The following MARCHF7 variants were observed in gnomAD, a reference collection of about 807,000 sequenced individuals.
MARCHF7 encodes the protein E3 ubiquitin-protein ligase MARCHF7.
A neutral mutation model predicts 76.5 loss-of-function variants in MARCHF7; 20 were observed. The ratio of observed to expected loss-of-function variants is 0.26; its 90% confidence interval spans 0.18 to 0.38. The LOEUF (loss-of-function observed/expected upper bound fraction) is 0.38. Ranked by LOEUF, MARCHF7 falls within the 10% of genes least tolerant of loss-of-function variation. MARCHF7 has a pLI of 1.00. For synonymous variants in MARCHF7, 295 were observed against 293.0 expected, an observed-to-expected ratio of 1.01 and a Z score of -0.07; for missense variants, 797 against 812.9, an observed-to-expected ratio of 0.98 and a Z score of 0.24.
At chr2:159,742,142 T>C (rs1042143251) in intron 4 of MARCHF7, among the ~76,000 whole-genome samples, 9 of 152,200 alleles carry the variant, frequency 5.9e-5, no homozygotes, top group African/African-American at 2.2e-4. Flanking sequence ...TTACAAGCTT[T>C]ATTTTGTGTA....
At chr2:159,744,088 C>T (rs915208771) in intron 5 of MARCHF7, among the ~76,000 whole-genome samples, 3 of 141,280 alleles carry the variant, frequency 2.1e-5, no homozygotes, top group Non-Finnish European at 3.1e-5. Flanking sequence ...CCCGGGTTCA[C>T]GCCATTCTCC....
chr2:159,732,824 G>A (rs1465201128), intron 4 of MARCHF7: 1 of 984,178 alleles, frequency 1.0e-6, no homozygotes, highest in East Asian at 1.1e-4. Flanking sequence ...CTGCCATCAT[G>A]CCTGGCCTGT....
At chr2:159,739,309 C>T (rs1703849173) in intron 4 of MARCHF7, among the ~76,000 whole-genome samples, 1 of 152,218 alleles carries the variant, frequency 6.6e-6, no homozygotes, top group South Asian at 2.1e-4. Context: ...GGCAGCCGCT[C>T]CAGATGAACT....
At position 159,743,102 on chromosome 2, in the gene MARCHF7, A is replaced by G. The variant is rs748308137; in HGVS notation, c.195A>G (p.Ala65=). ...CATCTGCGTCACCATTTCAATCTGCATGGTATAGTGAATCTGAGATAACTC... is the reference window on the plus strand; with the variant it reads ...CATCTGCGTCACCATTTCAATCTGCGTGGTATAGTGAATCTGAGATAACTC... The part of the protein sequence containing the change: ...ASASASPFQS[A]WYSESEITQG... Residue 65 remains alanine (A), a synonymous_variant, in exon 5 of 12, where the codon GCA becomes GCG. Coordinates refer to ENST00000409175, the MANE Select transcript of MARCHF7 (RefSeq NM_001282805.2). 1.7e-5 allele frequency: 27 copies of G among 1,614,076 alleles called. No individual in the cohort carries two copies. The highest frequency in any genetic ancestry group is 2.2e-5 in the South Asian group (2 of 91,078).
chr2:159,767,419 T>TG lies in MARCHF7; in HGVS notation c.*82dup. 1 of 1,035,584 alleles carries TG rather than the reference T, an allele frequency of 9.7e-7. No individual in the cohort carries two copies. Among genetic ancestry groups the TG allele is most frequent in the Admixed American group, 1.9e-5 (1 of 52,540 alleles). 64.1% of individuals were successfully genotyped at this position (1,035,584 alleles called of 1,614,324 possible). On this transcript the variant is annotated 3_prime_UTR_variant, in exon 12 of 12. Coordinates refer to ENST00000409175, the MANE Select transcript of MARCHF7 (RefSeq NM_001282805.2). Reference sequence around the variant, plus strand: ...GGCAATTAAATATAAATTACTTTTGTGGGGGAATGCCTAATAAATACATTG... The same window carrying TG: ...GGCAATTAAATATAAATTACTTTTGTGGGGGGAATGCCTAATAAATACATTG...
intron 4 of MARCHF7, among the ~76,000 whole-genome samples, chr2:159,742,021 ATATT>A (rs1388825225): frequency 2.0e-5 from 3 of 152,212 alleles, no homozygotes; most frequent in African/African-American, 7.2e-5. Context: ...TTAAACCTAA[ATATT>A]TAAGGAGACA....
intron 4 of MARCHF7, chr2:159,733,910 G>A: frequency 4.1e-6 from 5 of 1,216,738 alleles, no homozygotes; most frequent in Non-Finnish European, 5.1e-6. Context: ...TTGGGAAAAT[G>A]TAGATTCTAA....
intron 3 of MARCHF7, among the ~76,000 whole-genome samples, chr2:159,727,430 A>G (rs945134600): frequency 3.3e-5 from 5 of 152,148 alleles, no homozygotes; most frequent in African/African-American, 9.7e-5. Context: ...TACTAAAAAT[A>G]CAAAAAAATT....
At chr2:159,749,313 A>C (rs1705314838) in intron 7 of MARCHF7, among the ~76,000 whole-genome samples, 1 of 151,600 alleles carries the variant, frequency 6.6e-6, no homozygotes, top group African/African-American at 2.4e-5. Context: ...TTCTTATAAA[A>C]TTGAAATCTG....
intron 8 of MARCHF7, among the ~76,000 whole-genome samples, chr2:159,754,084 T>G (rs1705998640): frequency 6.6e-6 from 1 of 152,184 alleles, no homozygotes; most frequent in Admixed American, 6.5e-5. Context: ...AGCCTGGCAT[T>G]TCAGGAGATA....
At chr2:159,740,805 A>G (rs550428678) in intron 4 of MARCHF7, among the ~76,000 whole-genome samples, 1 of 152,284 alleles carries the variant, frequency 6.6e-6, no homozygotes, top group East Asian at 1.9e-4. Context: ...CACACCTTCT[A>G]CTTTATTTTC....
chr2:159,726,020 A>T (rs2125364920), intron 3 of MARCHF7, among the ~76,000 whole-genome samples: 1 of 152,160 alleles, frequency 6.6e-6, no homozygotes, highest in Admixed American at 6.5e-5. Context: ...TGAGTATATA[A>T]ATTTTCTTTT....
intron 10 of MARCHF7, among the ~76,000 whole-genome samples, chr2:159,763,845 C>G (rs1384226935): frequency 6.6e-6 from 1 of 151,996 alleles, no homozygotes; most frequent in Non-Finnish European, 1.5e-5. Flanking sequence ...GGACATTATT[C>G]CAGTGAGCTG....
rs13432 is a variant in MARCHF7, at chr2:159,769,216, C to T, written c.*1874C>T. On this transcript the variant is annotated 3_prime_UTR_variant, in exon 12 of 12. Coordinates refer to ENST00000409175, the MANE Select transcript of MARCHF7 (RefSeq NM_001282805.2). Reference sequence around the variant, plus strand: ...CTGCCAAAGAATTATATTGTTATTACTAGCTAGAACCAAGATGTTGAAGAA... The same window carrying T: ...CTGCCAAAGAATTATATTGTTATTATTAGCTAGAACCAAGATGTTGAAGAA... The T allele has an allele frequency of 6.6e-6, 1 of 152,020 alleles. No homozygotes were observed. Among genetic ancestry groups the T allele is most frequent in the Non-Finnish European group, 1.5e-5 (1 of 68,000 alleles). The allele number at this position is 152,020 out of a possible 1,614,324, so 9.4% of individuals were successfully genotyped here. A position where few individuals can be genotyped will look rare whatever the true frequency, so the allele number is the denominator to read the frequency against.
chr2:159,761,029 T>A (rs1368145015), intron 9 of MARCHF7, among the ~76,000 whole-genome samples: 1 of 147,534 alleles, frequency 6.8e-6, no homozygotes, highest in African/African-American at 2.5e-5. Context: ...ACCATTTAAT[T>A]TTTTTTTTTT....
chr2:159,732,769 C>A (rs1003381716), intron 4 of MARCHF7: 3 of 834,508 alleles, frequency 3.6e-6, no homozygotes, highest in African/African-American at 3.7e-5. Context: ...TGGCCTCCAG[C>A]AGTACTCCCA....
intron 4 of MARCHF7, among the ~76,000 whole-genome samples, chr2:159,730,542 CTATT>C (rs1215691038): frequency 1.3e-5 from 2 of 152,136 alleles, no homozygotes; most frequent in Non-Finnish European, 2.9e-5. Context: ...TACCTGGTCT[CTATT>C]TTATTTTAAA....
intron 7 of MARCHF7, among the ~76,000 whole-genome samples, chr2:159,749,247 G>A (rs1274623600): frequency 1.3e-5 from 2 of 151,830 alleles, no homozygotes; most frequent in African/African-American, 4.8e-5. Context: ...CAAAGTGCTG[G>A]GATTACAGGC....
At chr2:159,713,823 G>A (rs1700645383) in intron 1 of MARCHF7, among the ~76,000 whole-genome samples, 1 of 152,188 alleles carries the variant, frequency 6.6e-6, no homozygotes, top group Admixed American at 6.5e-5. Context: ...AAGTTCACGA[G>A]ATTGTCTCAG....
Sources: allele counts gnomAD v4.1 joint callset (sites outside exome capture counted in the v4.1 genomes callset), GRCh38; gene constraint gnomAD v4.1.1; transcripts MANE v1.5; gene names NCBI Gene and HGNC (gene_info 2026-07-23, HGNC 2026-07-21).